Variants in KEL observed in about 807,000 individuals in gnomAD.
KEL encodes Kell metallo-endopeptidase (Kell blood group).
In KEL, 96 loss-of-function variants were observed where a neutral mutation model predicts 99.5. The observed-to-expected ratio is 0.97, with a 90% CI of 0.82 to 1.14. KEL has a LOEUF of 1.14. Ranked by LOEUF, KEL falls within the 50% of genes most tolerant of loss-of-function variation. The pLI, the probability that KEL is intolerant of heterozygous loss-of-function variation, is 0.00. For synonymous variants in KEL, 355 were observed against 354.8 expected (o/e 1.00, Z -0.01); for missense variants, 926 against 924.2 (o/e 1.00, Z -0.03).
intron 4 of KEL, among the ~76,000 whole-genome samples, chr7:142,960,664 A>C (rs867972420): frequency 3.9e-5 from 6 of 152,160 alleles, no homozygotes; most frequent in Middle Eastern, 3.2e-3. Flanking sequence ...TAAAGAAAAA[A>C]ATGCAGAAAG....
chr7:142,946,752 T>G, intron 10 of KEL: 1 of 252,394 alleles, frequency 4.0e-6, no homozygotes, highest in South Asian at 5.7e-5. Flanking sequence ...CGGATGGAAA[T>G]TCTGTCCTAC....
intron 13 of KEL, 45 bp from the exon 14 acceptor site, chr7:142,943,928 T>C (rs1796441497): frequency 3.4e-6 from 5 of 1,487,588 alleles, no homozygotes; most frequent in Non-Finnish European, 4.7e-6. Flanking sequence ...GAGACTTCTA[T>C]AGATGCACGC....
intron 11 of KEL, chr7:142,945,925 G>C: frequency 2.0e-6 from 1 of 506,100 alleles, no homozygotes; most frequent in Non-Finnish European, 3.6e-6. Context: ...ACCGAGCCTG[G>C]CTCGATTTTC....
At chr7:142,942,768 G>C in intron 17 of KEL, 107 bp downstream of exon 17, 1 of 1,403,822 alleles carries the variant, frequency 7.1e-7, no homozygotes. Context: ...GCGAAGGGCA[G>C]AAAGCCATGC....
At chr7:142,953,787 C>G (rs554057536) in intron 9 of KEL, 21 bp downstream of exon 9, 141 of 1,613,832 alleles carry the variant, frequency 8.7e-5, no homozygotes, top group Non-Finnish European at 1.1e-4. Flanking sequence ...CATGATCTCC[C>G]CAATCCCACC....
intron 3 of KEL, 43 bp downstream of exon 3, chr7:142,961,317 G>A (rs372913861): frequency 4.3e-6 from 7 of 1,611,952 alleles, no homozygotes; most frequent in Non-Finnish European, 5.9e-6. Context: ...CCCCAGGGCT[G>A]GGGGAGGGCT....
chr7:142,944,708 G>A lies in KEL; in HGVS notation c.1348C>T (p.Leu450Phe). The change falls in exon 12 of 19, where the codon CTC becomes TTC. Residue 450 changes from leucine to phenylalanine, a missense_variant. Leu to Phe is a conservative substitution (Grantham distance 22, BLOSUM62 0). Coordinates refer to ENST00000355265, the MANE Select transcript of KEL (RefSeq NM_000420.3). ...GGAAGGTTTCTGAGGCGAGTGATGA[G>A]GGCATCCCGGATCGCAGTGAATAAT... ...MKLFTAIRDA[L>F]ITRLRNLPWM... 1.2e-6 allele frequency: 2 copies of A among 1,614,140 alleles called. No individual in the cohort carries two copies. Among genetic ancestry groups the A allele is most frequent in the Non-Finnish European group, 1.7e-6 (2 of 1,179,988 alleles).
intron 14 of KEL, 76 bp from the exon 15 acceptor site, chr7:142,943,672 C>T (rs981269435): frequency 5.6e-6 from 8 of 1,426,624 alleles, no homozygotes; most frequent in Non-Finnish European, 7.9e-6. Flanking sequence ...ACAGTCCCTC[C>T]CAACTACCAT....
chr7:142,942,876 T>A lies in KEL; in HGVS notation c.1940A>T (p.Gln647Leu), dbSNP rs1796401380. ...CTGTGGCCCTTGACACTTGCATACC[T>A]GCAGCGCGATGGCTAGCCCCCCAAC... ...ADVGGLAIAL[Q>L]AYSKRLLRHH... is the part of the protein sequence containing the mutation. The change falls in exon 17 of 19, where the codon CAG becomes CTG. Residue 647 changes from glutamine (Q) to leucine (L), a missense_variant and splice_region_variant. Coordinates refer to ENST00000355265, the MANE Select transcript of KEL (RefSeq NM_000420.3). The A allele has an allele frequency of 2.5e-6, 4 of 1,614,182 alleles. No individual in the cohort carries two copies. Among genetic ancestry groups the A allele is most frequent in the African/African-American group, 1.3e-5 (1 of 75,036 alleles).
At position 142,943,264 on chromosome 7, in the gene KEL, C is replaced by T; in HGVS notation, c.1771+12G>A. Reference sequence around the variant, plus strand: ...CCTATTATCCCACCTCCCAGTGGCCCCTGTTACCCACAGAGCTGGTAGAAG... The same window carrying T: ...CCTATTATCCCACCTCCCAGTGGCCTCTGTTACCCACAGAGCTGGTAGAAG... On this transcript the variant is annotated intron_variant, in intron 16 of 18. Transcript: ENST00000355265. 6.2e-7 allele frequency: 1 copy of T among 1,613,456 alleles called. No homozygotes were observed.
chr7:142,953,348 C>T, intron 9 of KEL: 1 of 984,860 alleles, frequency 1.0e-6, no homozygotes, highest in Non-Finnish European at 1.2e-6. Flanking sequence ...ATGGCCCCTC[C>T]TCTTCCTTTC....
At chr7:142,952,429 A>C in intron 10 of KEL, 80 bp downstream of exon 10, 3 of 1,562,746 alleles carry the variant, frequency 1.9e-6, no homozygotes, top group Non-Finnish European at 2.6e-6. Flanking sequence ...TCCCTGAGAG[A>C]GAGATGCCGA....
chr7:142,952,974 T>C (rs1796726882), intron 9 of KEL, among the ~76,000 whole-genome samples: 1 of 152,162 alleles, frequency 6.6e-6, no homozygotes, highest in East Asian at 1.9e-4. Context: ...ATGTATCTCA[T>C]AAGCATAAGT....
chr7:142,941,275 AG>A lies in KEL; in HGVS notation c.2175del (p.Ser726ProfsTer43), dbSNP rs1796344884. On this transcript the variant is annotated frameshift_variant, in exon 19 of 19. Transcript: ENST00000355265. LOFTEE classifies it high-confidence loss of function. The part of the protein sequence containing the change: ...FRCARGALLN[P>X]SSRCQLW ...AGTTACCAGAGCTGGCAGCGGCTGG[AG>A]GGGTTCAAGAGAGCACCACGTGCAC... 5.0e-6 allele frequency: 8 copies of A among 1,613,298 alleles called. No individual in the cohort carries two copies. The East Asian group carries it at 1.8e-4, about 36-fold the overall frequency.
At chr7:142,948,511 G>A (rs8176011) in intron 10 of KEL, among the ~76,000 whole-genome samples, 3,517 of 152,220 alleles carry the variant, frequency 0.023, 143 homozygotes, top group African/African-American at 0.079. Flanking sequence ...AGGATGAAAG[G>A]AAATTTTAGG....
chr7:142,954,790 C>T (rs1796787828), intron 6 of KEL, among the ~76,000 whole-genome samples: 1 of 152,142 alleles, frequency 6.6e-6, no homozygotes, highest in Admixed American at 6.5e-5. Flanking sequence ...TGATAATCAG[C>T]ATCTTAAAAG....
intron 13 of KEL, among the ~76,000 whole-genome samples, 169 bp downstream of exon 13, chr7:142,944,154 C>G (rs1375311762): frequency 2.0e-5 from 3 of 152,186 alleles, no homozygotes; most frequent in Non-Finnish European, 4.4e-5. Context: ...GTTCTTCTGC[C>G]AGCAAGACGT....
chr7:142,942,737 T>A, intron 17 of KEL, 138 bp downstream of exon 17: 1 of 1,108,720 alleles, frequency 9.0e-7, no homozygotes, highest in Non-Finnish European at 1.4e-6. Flanking sequence ...ATCCCCAAGT[T>A]GCCGTCTATT....
rs61729054 is a variant in KEL at position 142,953,839 on chromosome 7, G to A, written c.1042C>T (p.Gln348Ter). 10 of 1,614,062 alleles carry A rather than the reference G, an allele frequency of 6.2e-6. No homozygotes were observed. Among genetic ancestry groups the A allele is most frequent in the Non-Finnish European group, 8.5e-6 (10 of 1,180,046 alleles). Residue 348 changes from glutamine to a stop codon, truncating the protein, a stop_gained, in exon 9 of 19, where the codon CAA becomes TAA. Transcript: ENST00000355265. LOFTEE classifies it high-confidence loss of function. ...HDVEYLKNMS[Q>*]LVEEMLLKQR... ...TTTAGCAGCATCTCCTCCACCAGTT[G>A]TGACATGTTTTTCAAATATTCCACG... is the stretch of plus-strand genomic sequence containing the variant.
Sources: allele counts gnomAD v4.1 joint callset (sites outside exome capture counted in the v4.1 genomes callset), GRCh38; gene constraint gnomAD v4.1.1; transcripts MANE v1.5; gene names NCBI Gene and HGNC (gene_info 2026-07-23, HGNC 2026-07-21).